Variants in EBF2 observed in about 807,000 individuals in gnomAD.
The protein encoded by EBF2 is transcription factor COE2.
A neutral mutation model predicts 72.8 loss-of-function variants in EBF2; 21 were observed. The ratio of observed to expected loss-of-function variants is 0.29; its 90% confidence interval spans 0.20 to 0.42. The LOEUF (loss-of-function observed/expected upper bound fraction) is 0.42, where lower values mean the gene tolerates loss of function less well. Among genes scored for constraint, EBF2 ranks in the 10% least tolerant of loss-of-function variants. The pLI is 1.00. For synonymous variants in EBF2, 299 were observed against 274.2 expected (o/e 1.09, Z -0.89); for missense variants, 637 against 731.2 (o/e 0.87, Z 1.49).
rs752076528 is a variant in EBF2, at chr8:25,886,819, C to T, written c.945G>A (p.Glu315=). The T allele has an allele frequency of 1.2e-6, 2 of 1,613,634 alleles. No homozygotes were observed. Among genetic ancestry groups the T allele is most frequent in the African/African-American group, 2.7e-5 (2 of 75,024 alleles). ...GTTTAGATTTATAAGATAATGTCAC[C>T]TCTACCACGCCTGGGATGTGCCGGG... ...TPPRHIPGVV[E]VTLSYKSKQF... Residue 315 remains glutamate (E), a synonymous_variant, in exon 10 of 16, where the codon GAG becomes GAA. Coordinates refer to ENST00000520164, the MANE Select transcript of EBF2 (RefSeq NM_022659.4).
intron 6 of EBF2, among the ~76,000 whole-genome samples, chr8:25,919,784 G>T (rs1359879880): frequency 2.0e-5 from 3 of 152,212 alleles, no homozygotes; most frequent in Non-Finnish European, 4.4e-5. Context: ...CATGTGAGCT[G>T]CCTTCTCTTC....
chr8:25,955,247 A>T (rs1803927141), intron 6 of EBF2, among the ~76,000 whole-genome samples: 1 of 152,214 alleles, frequency 6.6e-6, no homozygotes, highest in South Asian at 2.1e-4. Flanking sequence ...GGCATTAAAC[A>T]GAGGGTCAAG....
At chr8:25,874,290 G>C (rs908895192) in intron 10 of EBF2, among the ~76,000 whole-genome samples, 2 of 152,160 alleles carry the variant, frequency 1.3e-5, no homozygotes, top group East Asian at 3.9e-4. Flanking sequence ...TGGGGAGGAG[G>C]CTGTTCAGGG....
At chr8:26,011,764 A>G (rs1219776408) in intron 6 of EBF2, among the ~76,000 whole-genome samples, 2 of 151,722 alleles carry the variant, frequency 1.3e-5, no homozygotes, top group African/African-American at 2.4e-5. Flanking sequence ...TGATTCTCCA[A>G]CTGTCAGCAG....
At chr8:25,978,115 G>A (rs2117196067) in intron 6 of EBF2, among the ~76,000 whole-genome samples, 1 of 152,216 alleles carries the variant, frequency 6.6e-6, no homozygotes, top group South Asian at 2.1e-4. Flanking sequence ...TCGTCACACT[G>A]GAAGCCCCAG....
At chr8:26,005,233 TGTGA>T in intron 6 of EBF2, among the ~76,000 whole-genome samples, 1 of 100,432 alleles carries the variant, frequency 1.0e-5, no homozygotes, top group Non-Finnish European at 1.9e-5. Flanking sequence ...TATATCTATA[TGTGA>T]TATATATACA....
At chr8:25,855,814 G>A (rs1471830283) in intron 14 of EBF2, among the ~76,000 whole-genome samples, 6 of 152,258 alleles carry the variant, frequency 3.9e-5, no homozygotes, top group African/African-American at 7.2e-5. Flanking sequence ...GCTGCAACTC[G>A]TTCAGACCCT....
At chr8:25,978,716 A>G (rs1158687182) in intron 6 of EBF2, among the ~76,000 whole-genome samples, 1 of 152,212 alleles carries the variant, frequency 6.6e-6, no homozygotes, top group Non-Finnish European at 1.5e-5. Context: ...GCCCAAGGAA[A>G]CATAACCAAG....
chr8:25,942,778 C>T (rs1039560725), intron 6 of EBF2, among the ~76,000 whole-genome samples: 6 of 152,294 alleles, frequency 3.9e-5, no homozygotes, highest in African/African-American at 9.6e-5. Context: ...TTCGTTCCTG[C>T]GGGCTCGCCT....
chr8:26,042,117 A>G lies in EBF2; in HGVS notation c.266T>C (p.Val89Ala), dbSNP rs1436092700. The G allele has an allele frequency of 1.2e-6, 2 of 1,613,794 alleles. No homozygotes were observed. Among genetic ancestry groups the G allele is most frequent in the East Asian group, 4.5e-5 (2 of 44,832 alleles). Residue 89 changes from valine to alanine, a missense_variant, in exon 2 of 16, where the codon GTG (valine) becomes GCG (alanine). Transcript: ENST00000520164. ...TACTTTGTCATTCTCCACAAAGTCC[A>G]CGAAGGCCGTCCGCTCGATCTCCAC... is the stretch of plus-strand genomic sequence containing the variant. ...QPVEIERTAF[V>A]DFVENDKEQG... is the part of the protein sequence containing the mutation.
chr8:26,019,741 C>T (rs535894515), intron 6 of EBF2, among the ~76,000 whole-genome samples: 25 of 152,300 alleles, frequency 1.6e-4, no homozygotes, highest in African/African-American at 5.8e-4. Context: ...TTTCTGAGAG[C>T]AACTTGTCTG....
At chr8:25,874,448 G>A (rs1802487881) in intron 10 of EBF2, among the ~76,000 whole-genome samples, 1 of 151,986 alleles carries the variant, frequency 6.6e-6, no homozygotes, top group South Asian at 2.1e-4. Context: ...TAGAAGATAA[G>A]AAGTATTCTG....
In EBF2 at chr8:25,977,260, G is replaced by A. The variant is rs145458539; in HGVS notation, c.551+55825C>T. 2.8e-3 allele frequency among the ~76,000 whole-genome samples: 428 copies of A among 152,276 alleles called. 1 individual carries two copies. Among genetic ancestry groups the A allele is most frequent in the African/African-American group, 9.1e-3 (378 of 41,552 alleles). On this transcript the variant is annotated intron_variant, in intron 6 of 15. Coordinates refer to ENST00000520164, the MANE Select transcript of EBF2 (RefSeq NM_022659.4). ...TCCCCTTAATACGTGCACATCGCAT[G>A]CTCCCAGCGGGTCAGGTACTTCCCC...
chr8:25,918,930 G>C (rs1803266970), intron 6 of EBF2, among the ~76,000 whole-genome samples: 1 of 152,146 alleles, frequency 6.6e-6, no homozygotes, highest in Non-Finnish European at 1.5e-5. Flanking sequence ...ACACTCCACT[G>C]TATATCAAAA....
intron 2 of EBF2, among the ~76,000 whole-genome samples, chr8:26,041,752 A>C (rs1015938673): frequency 2.6e-5 from 4 of 152,162 alleles, no homozygotes; most frequent in Non-Finnish European, 4.4e-5. Flanking sequence ...GCAGGTGCAA[A>C]ATAATTAAAA....
At chr8:26,016,783 A>C (rs1805117500) in intron 6 of EBF2, among the ~76,000 whole-genome samples, 1 of 152,186 alleles carries the variant, frequency 6.6e-6, no homozygotes, top group South Asian at 2.1e-4. Context: ...AATAAAAATA[A>C]ACTGTCTCCT....
At chr8:25,959,257 T>G (rs1293017659) in intron 6 of EBF2, among the ~76,000 whole-genome samples, 1 of 152,188 alleles carries the variant, frequency 6.6e-6, no homozygotes, top group Non-Finnish European at 1.5e-5. Flanking sequence ...CAGGCTGGAG[T>G]GCAGTGGCGT....
chr8:26,045,146 G>T lies in EBF2; in HGVS notation c.-287C>A. 7.1e-6 allele frequency: 2 copies of T among 280,116 alleles called. No individual in the cohort carries two copies. Among genetic ancestry groups the T allele is most frequent in the South Asian group, 6.9e-5 (1 of 14,406 alleles). 17.4% of individuals were successfully genotyped at this position (280,116 alleles called of 1,614,324 possible). ...CTCGCATCCTTCCAGCTGCAGTGCTGCCTCCTGAAAGTGATCACAATTTAG... is the reference window on the plus strand; with the variant it reads ...CTCGCATCCTTCCAGCTGCAGTGCTTCCTCCTGAAAGTGATCACAATTTAG... On this transcript the variant is annotated 5_prime_UTR_variant, in exon 1 of 16. Transcript: ENST00000520164.
intron 6 of EBF2, among the ~76,000 whole-genome samples, chr8:25,931,121 T>C (rs1585199248): frequency 6.6e-6 from 1 of 152,126 alleles, no homozygotes; most frequent in East Asian, 1.9e-4. Flanking sequence ...AACTTGGATG[T>C]TTTCATTGAA....
Sources: gnomAD v4.1 joint callset for allele counts (sites outside exome capture counted in the v4.1 genomes callset) on GRCh38, gnomAD v4.1.1 for gene constraint, MANE v1.5 for transcripts, NCBI Gene and HGNC (gene_info 2026-07-23, HGNC 2026-07-21) for gene names.